TSHZ1: variants seen among roughly 807,000 people sequenced by gnomAD.
The protein encoded by TSHZ1 is teashirt zinc finger homeobox 1, also known as teashirt homolog 1.
Under a neutral mutation model 67.1 loss-of-function variants are expected in TSHZ1, and 12 were observed. That is an observed-to-expected ratio of 0.18 (90% CI 0.11 to 0.29). The LOEUF (loss-of-function observed/expected upper bound fraction) is 0.29, where lower values mean the gene tolerates loss of function less well. Ranked by LOEUF, TSHZ1 falls within the 10% of genes least tolerant of loss-of-function variation. TSHZ1 has a pLI of 1.00. For missense variants in TSHZ1, 1,305 were observed against 1,413.9 expected, an observed-to-expected ratio of 0.92 and a Z score of 1.23; for synonymous variants, 632 against 622.4, an observed-to-expected ratio of 1.02 and a Z score of -0.23.
At chr18:75,284,415 T>G (rs527856095) in intron 1 of TSHZ1, 1 of 152,584 alleles carries the variant, frequency 6.6e-6, no homozygotes, top group African/African-American at 2.4e-5. Context: ...GATAAAATAT[T>G]TATAATGTAT....
intron 1 of TSHZ1, among the ~76,000 whole-genome samples, chr18:75,230,758 G>A (rs940620782): frequency 2.0e-5 from 3 of 152,180 alleles, no homozygotes; most frequent in African/African-American, 7.2e-5. Flanking sequence ...ATTTGTGGAA[G>A]TGGTGCGAAC....
At chr18:75,274,078 G>A (rs2023587980) in intron 1 of TSHZ1, among the ~76,000 whole-genome samples, 2 of 152,098 alleles carry the variant, frequency 1.3e-5, no homozygotes, top group Admixed American at 6.5e-5. Context: ...GTAGGGTGCT[G>A]TGCGTGTCCC....
chr18:75,254,811 T>C (rs909078923), intron 1 of TSHZ1, among the ~76,000 whole-genome samples: 2 of 152,240 alleles, frequency 1.3e-5, no homozygotes, highest in Non-Finnish European at 2.9e-5. Context: ...TAGAGAACTT[T>C]AATTTTATTC....
intron 1 of TSHZ1, among the ~76,000 whole-genome samples, chr18:75,215,190 G>A (rs11660312): frequency 0.09 from 13,630 of 152,206 alleles, 681 homozygotes; most frequent in Non-Finnish European, 0.1. Context: ...TGAAAGGGAG[G>A]GACAGGCCTG....
chr18:75,246,916 A>G (rs79803131), intron 1 of TSHZ1, among the ~76,000 whole-genome samples: 2,049 of 152,292 alleles, frequency 0.013, 41 homozygotes, highest in African/African-American at 0.045. Flanking sequence ...CTGTGGGCCA[A>G]AGAACATTCA....
At chr18:75,277,381 T>G (rs1247314533) in intron 1 of TSHZ1, among the ~76,000 whole-genome samples, 1 of 152,084 alleles carries the variant, frequency 6.6e-6, no homozygotes, top group Admixed American at 6.6e-5. Flanking sequence ...TGTGAGTCTG[T>G]GGGGTGTGAG....
At chr18:75,225,020 C>G (rs576224526) in intron 1 of TSHZ1, among the ~76,000 whole-genome samples, 17 of 151,598 alleles carry the variant, frequency 1.1e-4, no homozygotes, top group Admixed American at 5.3e-4. Flanking sequence ...GCTGGTTGTA[C>G]TTAGAGAATT....
At chr18:75,248,252 A>C (rs979652597) in intron 1 of TSHZ1, among the ~76,000 whole-genome samples, 1 of 152,206 alleles carries the variant, frequency 6.6e-6, no homozygotes, top group African/African-American at 2.4e-5. Flanking sequence ...ATTCTACTTC[A>C]AGTATAAGGT....
At chr18:75,254,933 A>G (rs1275396327) in intron 1 of TSHZ1, among the ~76,000 whole-genome samples, 3 of 152,208 alleles carry the variant, frequency 2.0e-5, no homozygotes, top group African/African-American at 7.2e-5. Context: ...ATTATCCAGA[A>G]AACCCAGCCT....
Position 75,288,148 on chromosome 18 carries a change from G to A in TSHZ1, c.2741G>A (p.Gly914Asp), listed in dbSNP as rs2023809020. Residue 914 changes from glycine (G) to aspartate (D), a missense_variant, in exon 2 of 2, where the codon GGC (glycine) becomes GAC (aspartate). Physicochemically the swap from Gly to Asp is moderately conservative, Grantham distance 94 (BLOSUM62 -1). Coordinates refer to ENST00000580243, the MANE Select transcript of TSHZ1 (RefSeq NM_001308210.2). This position sits in a 1 kb window ranked among gnomAD's most constrained non-coding sequence, Gnocchi z 4.9. ...TCGAGCTTGCGGGAGACCACAGAGGGCAAGTACATCATGTCGGACTTGGGC... is the reference window on the plus strand; with the variant it reads ...TCGAGCTTGCGGGAGACCACAGAGGACAAGTACATCATGTCGGACTTGGGC... ...FASSLRETTE[G>D]KYIMSDLGPQ... is the part of the protein sequence containing the mutation. The A allele has an allele frequency of 1.2e-6, 2 of 1,613,968 alleles. No homozygotes were observed. The highest frequency in any genetic ancestry group is 1.3e-5 in the African/African-American group (1 of 74,930).
Position 75,286,298 on chromosome 18 carries a change from G to A in TSHZ1, c.891G>A (p.Met297Ile), listed in dbSNP as rs1007076618. 6.8e-6 allele frequency: 11 copies of A among 1,612,856 alleles called. No individual in the cohort carries two copies. Among genetic ancestry groups the A allele is most frequent in the Admixed American group, 1.7e-5 (1 of 59,982 alleles). The change falls in exon 2 of 2, where the codon ATG (methionine) becomes ATA (isoleucine). Residue 297 changes from methionine to isoleucine, a missense_variant. By Grantham distance (10) the Met-to-Ile change is conservative. Transcript: ENST00000580243. The surrounding 1 kb of genome is among the most constrained non-coding windows in gnomAD (Gnocchi z 5.1). ...CCAGGAAGCGCTCCCTGATGGAGAT[G>A]GAGGGGAAGGAGGATGCCCAGAAGG... ...SKPRKRSLME[M>I]EGKEDAQKVL...
Position 75,287,322 on chromosome 18 carries a change from A to G in TSHZ1, c.1915A>G (p.Met639Val). The G allele has an allele frequency of 6.2e-7, 1 of 1,614,154 alleles. No individual in the cohort carries two copies. The highest frequency in any genetic ancestry group is 8.5e-7 in the Non-Finnish European group (1 of 1,180,038). Reference sequence around the variant, plus strand: ...ACCGCACAAGAGCAACGTGTCTGCCATGGAGGAGCTGGTGGAGAAGGTCAC... The same window carrying G: ...ACCGCACAAGAGCAACGTGTCTGCCGTGGAGGAGCTGGTGGAGAAGGTCAC... ...PPPHKSNVSA[M>V]EELVEKVTGK... is the part of the protein sequence containing the mutation. Residue 639 changes from methionine (M) to valine (V), a missense_variant, in exon 2 of 2, where the codon ATG becomes GTG. By Grantham distance (21) the Met-to-Val change is conservative (BLOSUM62 1). This residue lies in a region of TSHZ1 where 909 missense variants were observed against 961.8 expected (regional missense o/e 0.95). Coordinates refer to ENST00000580243, the MANE Select transcript of TSHZ1 (RefSeq NM_001308210.2). This position sits in a 1 kb window ranked among gnomAD's most constrained non-coding sequence, Gnocchi z 5.0.
chr18:75,245,093 T>G (rs2023206328), intron 1 of TSHZ1: 1 of 152,202 alleles, frequency 6.6e-6, no homozygotes, highest in Non-Finnish European at 1.5e-5. Flanking sequence ...CTATTAGATT[T>G]TCCTTCCATT....
intron 1 of TSHZ1, among the ~76,000 whole-genome samples, chr18:75,271,646 CTT>C (rs1475270476): frequency 6.6e-6 from 1 of 152,164 alleles, no homozygotes; most frequent in Non-Finnish European, 1.5e-5. Flanking sequence ...ACTGACTTCT[CTT>C]TTATCATTCA....
chr18:75,225,233 G>T (rs1013959160), intron 1 of TSHZ1, among the ~76,000 whole-genome samples: 26 of 152,146 alleles, frequency 1.7e-4, no homozygotes, highest in African/African-American at 6.3e-4. Context: ...ATGCTTCCTC[G>T]GTTCTGGGCA....
chr18:75,240,780 G>C (rs190809180), intron 1 of TSHZ1, among the ~76,000 whole-genome samples: 1 of 152,250 alleles, frequency 6.6e-6, no homozygotes, highest in South Asian at 2.1e-4. Context: ...TGTACCATAA[G>C]GTACTTCAAC....
At chr18:75,235,886 GCCAGCTCTT>G (rs2023061321) in intron 1 of TSHZ1, among the ~76,000 whole-genome samples, 1 of 152,146 alleles carries the variant, frequency 6.6e-6, no homozygotes, top group Non-Finnish European at 1.5e-5. Flanking sequence ...CTGCTCTCCA[GCCAGCTCTT>G]CCATTCTGAG....
chr18:75,285,876 A>ACCCCCCCCCCCCCCCCCC lies in TSHZ1; in HGVS notation c.474_475insCCCCCCCCCCCCCCCCCC (p.Pro158_Thr159insProProProProProPro). ...CAGCCAGAAGGAGAGCTCCGCCCCC[A>ACCCCCCCCCCCCCCCCCC]CCCCCACACCCCCCACCTGCCCCGT... is the stretch of plus-strand genomic sequence containing the variant. On this transcript the variant is annotated inframe_insertion, in exon 2 of 2. Coordinates refer to ENST00000580243, the MANE Select transcript of TSHZ1 (RefSeq NM_001308210.2). The ACCCCCCCCCCCCCCCCCC allele has an allele frequency of 2.0e-6, 1 of 496,202 alleles. No homozygotes were observed. Among genetic ancestry groups the ACCCCCCCCCCCCCCCCCC allele is most frequent in the South Asian group, 4.0e-5 (1 of 24,766 alleles). The allele number at this position is 496,202 out of a possible 1,614,324, so 30.7% of individuals were successfully genotyped here.
intron 1 of TSHZ1, among the ~76,000 whole-genome samples, chr18:75,277,943 C>T (rs778463267): frequency 7.2e-5 from 11 of 151,886 alleles, no homozygotes; most frequent in Non-Finnish European, 1.6e-4. Context: ...GTGAGTGTAT[C>T]GGGTCACACT....
Sources: gnomAD v4.1 joint callset for allele counts (sites outside exome capture counted in the v4.1 genomes callset) on GRCh38, gnomAD v4.1.1 for gene constraint, gnomAD v4.1.1 regional missense constraint, Gnocchi (gnomAD v3.1) non-coding constraint, MANE v1.5 for transcripts, NCBI Gene and HGNC (gene_info 2026-07-23, HGNC 2026-07-21) for gene names.